Variants in DACH1 observed in about 807,000 individuals in gnomAD.
DACH1 encodes dachshund family transcription factor 1.
Under a neutral mutation model 54.2 loss-of-function variants are expected in DACH1, and 12 were observed. The ratio of observed to expected loss-of-function variants is 0.22; its 90% CI spans 0.14 to 0.36. The LOEUF is 0.36. Ranked by LOEUF, DACH1 falls within the 10% of genes least tolerant of loss-of-function variation. The probability of loss-of-function intolerance (pLI) is 1.00; values close to 1 mark genes in which losing one functional copy is unlikely to be tolerated. For missense variants in DACH1, 805 were observed against 929.8 expected (o/e 0.87, Z 1.75); for synonymous variants, 386 against 366.2 (o/e 1.05, Z -0.62).
At chr13:71,805,415 A>C (rs986321253) in intron 1 of DACH1, among the ~76,000 whole-genome samples, 2 of 152,146 alleles carry the variant, frequency 1.3e-5, no homozygotes, top group African/African-American at 4.8e-5. Context: ...AGCCAGGACA[A>C]TTTTTTGATA....
chr13:71,547,216 T>A (rs1319797663), intron 6 of DACH1, among the ~76,000 whole-genome samples: 1 of 152,096 alleles, frequency 6.6e-6, no homozygotes, highest in Non-Finnish European at 1.5e-5. Flanking sequence ...TGCTAACTAA[T>A]TTAGTTGCAC....
At chr13:71,703,431 T>C (rs1882261450) in intron 1 of DACH1, among the ~76,000 whole-genome samples, 1 of 152,162 alleles carries the variant, frequency 6.6e-6, no homozygotes, top group Admixed American at 6.5e-5. Flanking sequence ...CAGCAGACCA[T>C]AGCAGAGCTC....
At chr13:71,786,678 A>C (rs1459220632) in intron 1 of DACH1, among the ~76,000 whole-genome samples, 3 of 152,128 alleles carry the variant, frequency 2.0e-5, no homozygotes, top group African/African-American at 4.8e-5. Flanking sequence ...TTTTTTGTTT[A>C]CTGGCTATTA....
At chr13:71,862,565 A>G (rs1874428464) in intron 1 of DACH1, among the ~76,000 whole-genome samples, 1 of 151,570 alleles carries the variant, frequency 6.6e-6, no homozygotes, top group African/African-American at 2.4e-5. Context: ...TCATGTTTTG[A>G]GACCTTTATT....
intron 3 of DACH1, among the ~76,000 whole-genome samples, chr13:71,593,611 T>C (rs950266136): frequency 6.6e-6 from 1 of 152,070 alleles, no homozygotes; most frequent in Non-Finnish European, 1.5e-5. Context: ...ATGAATGTTA[T>C]CCATTTTAAA....
At chr13:71,812,618 TA>T (rs143868722) in intron 1 of DACH1, among the ~76,000 whole-genome samples, 5,164 of 151,970 alleles carry the variant, frequency 0.034, 285 homozygotes, top group African/African-American at 0.12. Flanking sequence ...AACAGTTCCC[TA>T]AAGTCTATTT....
rs972440746 is a variant in DACH1, at chr13:71,866,188, C to T, written c.582G>A (p.Arg194=). The change falls in exon 1 of 11, where the codon AGG becomes AGA. Residue 194 remains arginine, a synonymous_variant. Coordinates refer to ENST00000613252, the MANE Select transcript of DACH1 (RefSeq NM_080759.6). ...CCGTGAAGGAAGCCACTTTGGCCCCCCTCAGATCCACCATTTTGCACTCAT... is the reference window on the plus strand; with the variant it reads ...CCGTGAAGGAAGCCACTTTGGCCCCTCTCAGATCCACCATTTTGCACTCAT... ...QNNECKMVDL[R]GAKVASFTVE... 1.2e-6 allele frequency: 2 copies of T among 1,612,944 alleles called. No homozygotes were observed. Among genetic ancestry groups the T allele is most frequent in the Non-Finnish European group, 1.7e-6 (2 of 1,179,490 alleles).
intron 1 of DACH1, among the ~76,000 whole-genome samples, chr13:71,792,382 C>A (rs1886870571): frequency 6.6e-6 from 1 of 151,458 alleles, no homozygotes; most frequent in Admixed American, 6.6e-5. Context: ...CCCTGGAATC[C>A]AGACAGCAGG....
intron 2 of DACH1, among the ~76,000 whole-genome samples, chr13:71,650,610 C>T (rs1397247537): frequency 6.6e-6 from 1 of 152,112 alleles, no homozygotes; most frequent in African/African-American, 2.4e-5. Flanking sequence ...AACACTTTCT[C>T]TCTCTGTGAG....
intron 3 of DACH1, among the ~76,000 whole-genome samples, chr13:71,594,797 C>A (rs1873977367): frequency 6.6e-6 from 1 of 151,996 alleles, no homozygotes; most frequent in African/African-American, 2.4e-5. Context: ...GTTTCTGTGC[C>A]TCAAAACATA....
At chr13:71,480,364 C>G (rs1877921243) in intron 7 of DACH1, among the ~76,000 whole-genome samples, 1 of 152,082 alleles carries the variant, frequency 6.6e-6, no homozygotes. Flanking sequence ...AAAGTTTATT[C>G]ATACAACTAA....
chr13:71,706,627 C>T (rs953404338), intron 1 of DACH1, among the ~76,000 whole-genome samples: 2 of 152,118 alleles, frequency 1.3e-5, no homozygotes, highest in African/African-American at 2.4e-5. Flanking sequence ...GATAATTTCA[C>T]TCACCTAAAT....
At chr13:71,770,127 T>A (rs985745023) in intron 1 of DACH1, among the ~76,000 whole-genome samples, 2 of 151,732 alleles carry the variant, frequency 1.3e-5, no homozygotes, top group Non-Finnish European at 3.0e-5. Flanking sequence ...TGTCACTGTG[T>A]CATATTAAGT....
chr13:71,866,292 T>C lies in DACH1; in HGVS notation c.478A>G (p.Ser160Gly), dbSNP rs1444741814. ...SSSSSSSSSS[S>G]SSSCGPLPGK... Reference sequence around the variant, plus strand: ...GGGAGGGGGCCGCAGCTGCTGCTGCTACTGCTGCTGCTGCTACTACTGCTG... The same window carrying C: ...GGGAGGGGGCCGCAGCTGCTGCTGCCACTGCTGCTGCTGCTACTACTGCTG... The change falls in exon 1 of 11, where the codon AGC becomes GGC. Residue 160 changes from serine (S) to glycine (G), a missense_variant. Transcript: ENST00000613252. The C allele has an allele frequency of 6.4e-6, 10 of 1,571,044 alleles. No individual in the cohort carries two copies. The South Asian group carries it at 8.1e-5, about 13-fold the overall frequency.
At chr13:71,479,797 T>C (rs1056996504) in intron 7 of DACH1, among the ~76,000 whole-genome samples, 1 of 152,150 alleles carries the variant, frequency 6.6e-6, no homozygotes, top group Non-Finnish European at 1.5e-5. Flanking sequence ...TGGTCTCCTT[T>C]TGGTTCCTCA....
chr13:71,741,639 T>C (rs1884393183), intron 1 of DACH1, among the ~76,000 whole-genome samples: 2 of 152,182 alleles, frequency 1.3e-5, no homozygotes, highest in Admixed American at 1.3e-4. Context: ...AAATTTGAAA[T>C]GTAATTTAAC....
At chr13:71,820,902 C>T (rs1222585055) in intron 1 of DACH1, among the ~76,000 whole-genome samples, 1 of 152,050 alleles carries the variant, frequency 6.6e-6, no homozygotes, top group Non-Finnish European at 1.5e-5. Flanking sequence ...TTCTTATGAC[C>T]TCATCACACC....
At chr13:71,686,777 A>G (rs1390444892) in intron 1 of DACH1, among the ~76,000 whole-genome samples, 2 of 152,202 alleles carry the variant, frequency 1.3e-5, no homozygotes, top group Non-Finnish European at 2.9e-5. Context: ...GGAAAATGTG[A>G]AAGTAGCTGC....
intron 6 of DACH1, among the ~76,000 whole-genome samples, chr13:71,498,421 CATGATAGTAA>C (rs1399762251): frequency 6.6e-6 from 1 of 152,148 alleles, no homozygotes; most frequent in African/African-American, 2.4e-5. Flanking sequence ...ATACCACATC[CATGATAGTAA>C]AACTAAAAAT....
Sources: gnomAD v4.1 joint callset for allele counts (sites outside exome capture counted in the v4.1 genomes callset) on GRCh38, gnomAD v4.1.1 for gene constraint, MANE v1.5 for transcripts, NCBI Gene and HGNC (gene_info 2026-07-23, HGNC 2026-07-21) for gene names.